Variants in RASA3 observed in about 807,000 individuals in gnomAD.
RASA3 encodes the protein ras GTPase-activating protein 3.
RASA3 carries 73 observed loss-of-function variants against 110.0 expected under a neutral mutation model. The ratio of observed to expected loss-of-function variants is 0.66; its 90% CI spans 0.55 to 0.81. RASA3 has a LOEUF of 0.81. Among genes scored for constraint, RASA3 ranks in the 30% least tolerant of loss-of-function variants. The pLI is 0.00. For synonymous variants in RASA3, 500 were observed against 451.4 expected (o/e 1.11, Z -1.37); for missense variants, 976 against 1,113.2 (o/e 0.88, Z 1.75).
chr13:114,042,447 AG>A, intron 3 of RASA3, among the ~76,000 whole-genome samples: 1 of 152,274 alleles, frequency 6.6e-6, no homozygotes, highest in East Asian at 1.9e-4. Context: ...AAATGTTGGC[AG>A]ACTCCTCACG....
chr13:113,998,290 C>G (rs1032831838), intron 20 of RASA3, among the ~76,000 whole-genome samples: 1 of 152,054 alleles, frequency 6.6e-6, no homozygotes, highest in East Asian at 1.9e-4. Flanking sequence ...CTTCCCAGCC[C>G]TCCTCTTCCC....
intron 3 of RASA3, among the ~76,000 whole-genome samples, chr13:114,045,534 C>T (rs1464613878): frequency 1.3e-5 from 2 of 152,156 alleles, no homozygotes; most frequent in African/African-American, 4.8e-5. Context: ...GCGCCTCCCT[C>T]TGACCCCACC....
chr13:114,023,100 G>A (rs1368075657), intron 8 of RASA3, among the ~76,000 whole-genome samples: 2 of 152,216 alleles, frequency 1.3e-5, no homozygotes, highest in African/African-American at 2.4e-5. Context: ...GCCACGCACC[G>A]GCTCCACGTG....
At chr13:114,064,154 A>G (rs1023852918) in intron 2 of RASA3, among the ~76,000 whole-genome samples, 4 of 152,216 alleles carry the variant, frequency 2.6e-5, no homozygotes, top group South Asian at 4.1e-4. Flanking sequence ...TGGACCTGTG[A>G]TCAGCCAACT....
intron 14 of RASA3, among the ~76,000 whole-genome samples, chr13:114,013,875 C>CTT (rs2053716077): frequency 1.7e-5 from 1 of 60,062 alleles, no homozygotes; most frequent in Non-Finnish European, 3.0e-5. Flanking sequence ...TGTCTCTCTC[C>CTT]CTATCTCTGT....
At chr13:114,069,561 T>C (rs1435627194) in intron 2 of RASA3, among the ~76,000 whole-genome samples, 12 of 2,864 alleles carry the variant, frequency 4.2e-3, no homozygotes, top group Admixed American at 0.017. Context: ...GACTCGGGGG[T>C]TGGGAGACTT....
rs66641360 is a variant in RASA3, at chr13:114,111,680, G to C, written c.55+20755C>G. Among the ~76,000 whole-genome samples, 2 of 95,002 alleles carry C rather than the reference G, an allele frequency of 2.1e-5. 1 individual carries two copies. The highest frequency in any genetic ancestry group is 5.9e-4 in the East Asian group (2 of 3,414). The allele number at this position is 95,002 out of a possible 152,430, so 62.3% of individuals were successfully genotyped here. On this transcript the variant is annotated intron_variant, in intron 1 of 23. Transcript: ENST00000334062. ...CTTCCTGCCTCACACAGAGCCCAGC[G>C]TCTCCATGTCCACTGATAGCCTTGG... is the stretch of plus-strand genomic sequence containing the variant.
At chr13:113,992,684 C>A in intron 21 of RASA3, 96 bp from the exon 22 acceptor site, 1 of 958,556 alleles carries the variant, frequency 1.0e-6, no homozygotes, top group Non-Finnish European at 1.6e-6. Flanking sequence ...TGAAGAAAGA[C>A]AACGATTGTG....
At chr13:114,013,863 C>CTT (rs1566478802) in intron 14 of RASA3, among the ~76,000 whole-genome samples, 1 of 122,770 alleles carries the variant, frequency 8.1e-6, no homozygotes, top group African/African-American at 3.4e-5. Context: ...TGTCTCTCTC[C>CTT]CTGTCTCTCT....
intron 1 of RASA3, among the ~76,000 whole-genome samples, chr13:114,080,703 G>A (rs1488449054): frequency 6.6e-6 from 1 of 152,194 alleles, no homozygotes; most frequent in East Asian, 1.9e-4. Flanking sequence ...CACTGAAACA[G>A]GGGTCTCCCC....
chr13:114,049,552 C>A (rs955893900), intron 3 of RASA3, among the ~76,000 whole-genome samples: 1 of 152,200 alleles, frequency 6.6e-6, no homozygotes, highest in African/African-American at 2.4e-5. Flanking sequence ...TTAGGGTTGT[C>A]GCTCAAAAAA....
At chr13:114,099,514 T>G (rs2079994834) in intron 1 of RASA3, among the ~76,000 whole-genome samples, 1 of 151,622 alleles carries the variant, frequency 6.6e-6, no homozygotes, top group South Asian at 2.1e-4. Flanking sequence ...AGACCTGTGT[T>G]CACACAGCGC....
At chr13:114,018,382 A>C in intron 10 of RASA3, 130 bp from the exon 11 acceptor site, 1 of 1,250,424 alleles carries the variant, frequency 8.0e-7, no homozygotes, top group South Asian at 1.6e-5. Context: ...AAACACACAC[A>C]TTCACAAAAA....
intron 2 of RASA3, among the ~76,000 whole-genome samples, chr13:114,072,046 G>A (rs997745696): frequency 6.6e-6 from 1 of 152,140 alleles, no homozygotes; most frequent in African/African-American, 2.4e-5. Flanking sequence ...ACCCGGTGGA[G>A]TCACAGCTAC....
rs748441039 is a variant in RASA3 at position 114,041,110 on chromosome 13, A to G, written c.278-16T>C. The G allele has an allele frequency of 1.2e-6, 2 of 1,609,430 alleles. No individual in the cohort carries two copies. Among genetic ancestry groups the G allele is most frequent in the South Asian group, 1.1e-5 (1 of 90,992 alleles). ...GCCACCTTCCCTGCAACACAAGCAG[A>G]GAAGACTTCACCACGGGCACAGGCC... On this transcript the variant is annotated splice_polypyrimidine_tract_variant and intron_variant, in intron 3 of 23. Coordinates refer to ENST00000334062, the MANE Select transcript of RASA3 (RefSeq NM_007368.4).
At chr13:114,121,644 C>T (rs1054816124) in intron 1 of RASA3, among the ~76,000 whole-genome samples, 1 of 152,224 alleles carries the variant, frequency 6.6e-6, no homozygotes, top group African/African-American at 2.4e-5. Context: ...AGGCACAGCT[C>T]GACCTTTGAC....
chr13:114,132,533 G>C lies in RASA3; in HGVS notation c.-44C>G, dbSNP rs761379910. 2.8e-6 allele frequency: 4 copies of C among 1,430,014 alleles called. No individual in the cohort carries two copies. Among genetic ancestry groups the C allele is most frequent in the Non-Finnish European group, 3.7e-6 (4 of 1,089,400 alleles). 88.6% of individuals were successfully genotyped at this position (1,430,014 alleles called of 1,614,324 possible). Reference sequence around the variant, plus strand: ...CCGAGCCTCGCCCCAAGCGCGCGCCGAGCCCGGGCAGCTCAGGCCGAGCAG... The same window carrying C: ...CCGAGCCTCGCCCCAAGCGCGCGCCCAGCCCGGGCAGCTCAGGCCGAGCAG... On this transcript the variant is annotated 5_prime_UTR_variant, in exon 1 of 24. Transcript: ENST00000334062.
intron 2 of RASA3, among the ~76,000 whole-genome samples, chr13:114,066,992 G>T (rs1009585759): frequency 6.7e-6 from 1 of 148,502 alleles, no homozygotes; most frequent in Admixed American, 6.7e-5. Context: ...CTGGGCTGAG[G>T]ACGGGCCCCC....
intron 1 of RASA3, among the ~76,000 whole-genome samples, chr13:114,101,334 C>T (rs751371655): frequency 3.9e-5 from 6 of 152,222 alleles, no homozygotes; most frequent in African/African-American, 9.6e-5. Context: ...CCAACCAGGA[C>T]GGGTAGGCAG....
Sources: gnomAD v4.1 joint callset for allele counts (sites outside exome capture counted in the v4.1 genomes callset) on GRCh38, gnomAD v4.1.1 for gene constraint, MANE v1.5 for transcripts, NCBI Gene and HGNC (gene_info 2026-07-23, HGNC 2026-07-21) for gene names.